Variants in SHC4 observed in about 807,000 individuals in gnomAD.
SHC4 encodes SHC-transforming protein 4.
Under a neutral mutation model 69.4 loss-of-function variants are expected in SHC4, and 41 were observed. The ratio of observed to expected loss-of-function variants is 0.59; its 90% CI spans 0.46 to 0.77. The LOEUF is 0.77. Ranked by LOEUF, SHC4 falls within the 30% of genes least tolerant of loss-of-function variation. The pLI is 0.00. For synonymous variants in SHC4, 318 were observed against 299.3 expected (o/e 1.06, Z -0.64); for missense variants, 777 against 783.8 (o/e 0.99, Z 0.10).
At chr15:48,949,664 T>TCGTCAAGGTTGG (rs1901333567) in intron 1 of SHC4, among the ~76,000 whole-genome samples, 1 of 151,874 alleles carries the variant, frequency 6.6e-6, no homozygotes, top group African/African-American at 2.4e-5. Flanking sequence ...CCCACCATTC[T>TCGTCAAGGTTGG]TTTCCAGCAG....
rs532997831 is a variant in SHC4, at chr15:48,909,903, C to A, written c.656+14976G>T. On this transcript the variant is annotated intron_variant, in intron 2 of 11. Transcript: ENST00000332408. ...ACTATCCCGCATCCCTGGTATGAAA[C>A]CCACTTGATCATGGTGGATTATCTT... Among the ~76,000 whole-genome samples, 10 of 152,252 alleles carry A rather than the reference C, an allele frequency of 6.6e-5. No individual in the cohort carries two copies. The South Asian group carries it at 2.1e-3, about 32-fold the overall frequency.
intron 2 of SHC4, 43 bp downstream of exon 2, chr15:48,924,836 T>C (rs1900819213): frequency 6.3e-7 from 1 of 1,594,790 alleles, no homozygotes; most frequent in African/African-American, 1.3e-5. Flanking sequence ...ATTGTGACTT[T>C]AAACCATACT....
At chr15:48,846,010 T>C (rs1454551933) in intron 9 of SHC4, among the ~76,000 whole-genome samples, 10 of 152,140 alleles carry the variant, frequency 6.6e-5, no homozygotes, top group Admixed American at 6.5e-4. Context: ...TCAGTTTTTT[T>C]TTTTTTAAGT....
intron 2 of SHC4, among the ~76,000 whole-genome samples, chr15:48,919,309 T>TTTTTTTTTC (rs1900695693): frequency 7.6e-6 from 1 of 131,400 alleles, no homozygotes; most frequent in Non-Finnish European, 1.7e-5. Flanking sequence ...TTTTTTTTTT[T>TTTTTTTTTC]TTTTTTGTAG....
At position 48,888,553 on chromosome 15, in the gene SHC4, A is replaced by G. The variant is rs976324363; in HGVS notation, c.720+2195T>C. ...AAAGATGGATGATGGCGATGGCTGC[A>G]CAAAAATATGAATGTACTTAATACC... is the stretch of plus-strand genomic sequence containing the variant. On this transcript the variant is annotated intron_variant, in intron 3 of 11. Transcript: ENST00000332408. Among the ~76,000 whole-genome samples, 19 of 152,308 alleles carry G rather than the reference A, an allele frequency of 1.2e-4. No individual in the cohort carries two copies. The East Asian group carries it at 3.3e-3, about 26-fold the overall frequency.
intron 4 of SHC4, chr15:48,877,340 G>A (rs976197141): frequency 1.6e-5 from 11 of 696,482 alleles, no homozygotes; most frequent in Non-Finnish European, 3.5e-6. Context: ...TAACTATAAT[G>A]TAATAATAAT....
At chr15:48,855,530 T>C (rs1051893997) in intron 8 of SHC4, among the ~76,000 whole-genome samples, 2 of 151,884 alleles carry the variant, frequency 1.3e-5, no homozygotes, top group African/African-American at 2.4e-5. Context: ...AAGGAACCAA[T>C]AGAGAAAGAG....
At chr15:48,848,525 A>T (rs148701521) in intron 9 of SHC4, among the ~76,000 whole-genome samples, 1 of 152,346 alleles carries the variant, frequency 6.6e-6, no homozygotes, top group Non-Finnish European at 1.5e-5. Context: ...AGTAGAATAT[A>T]GTATACTTGT....
rs189556879 is a variant in SHC4 at position 48,909,422 on chromosome 15, T to C, written c.656+15457A>G. On this transcript the variant is annotated intron_variant, in intron 2 of 11. Coordinates refer to ENST00000332408, the MANE Select transcript of SHC4 (RefSeq NM_203349.4). Reference sequence around the variant, plus strand: ...TGTATCCAGAAACTTTGCTGAATTCTTTAATCAGTTCTAGGAGCTTTCTGG... The same window carrying C: ...TGTATCCAGAAACTTTGCTGAATTCCTTAATCAGTTCTAGGAGCTTTCTGG... Among the ~76,000 whole-genome samples, 1,400 of 152,266 alleles carry C rather than the reference T, an allele frequency of 9.2e-3. 57 individuals are homozygous for C. Among genetic ancestry groups the C allele is most frequent in the Admixed American group, 0.077 (1,170 of 15,274 alleles).
intron 1 of SHC4, among the ~76,000 whole-genome samples, chr15:48,927,731 T>C (rs969969832): frequency 1.3e-5 from 2 of 152,132 alleles, no homozygotes; most frequent in Non-Finnish European, 2.9e-5. Context: ...CACTTGACAT[T>C]CTGTCCGCCT....
intron 2 of SHC4, among the ~76,000 whole-genome samples, chr15:48,920,030 T>TC (rs1900718079): frequency 6.6e-6 from 1 of 150,636 alleles, no homozygotes; most frequent in Non-Finnish European, 1.5e-5. Flanking sequence ...TTTTTTTTTT[T>TC]CTGAGACGGA....
At chr15:48,834,694 A>G in intron 11 of SHC4, 75 bp downstream of exon 11, 1 of 1,567,434 alleles carries the variant, frequency 6.4e-7, no homozygotes, top group East Asian at 2.2e-5. Flanking sequence ...ATTCAATACC[A>G]GGTTTTGGAA....
chr15:48,942,758 GT>G (rs1168591613), intron 1 of SHC4, among the ~76,000 whole-genome samples: 1 of 152,184 alleles, frequency 6.6e-6, no homozygotes, highest in Admixed American at 6.5e-5. Flanking sequence ...GGAGAGGTCA[GT>G]TGGTTATAGC....
rs145316712 is a variant in SHC4 at position 48,867,422 on chromosome 15, GACACACAGACAC to G, written c.946+384_946+395del. ...CAGGCTCTTGAACAGCAAGTACACAGACACACAGACACACACACAGACACACACACACACCAA... is the reference window on the plus strand; with the variant it reads ...CAGGCTCTTGAACAGCAAGTACACAGACACACAGACACACACACACACCAA... On this transcript the variant is annotated intron_variant, in intron 6 of 11. Transcript: ENST00000332408. Among the ~76,000 whole-genome samples the G allele has an allele frequency of 0.01, 1,585 of 152,044 alleles. 58 individuals are homozygous for G. The East Asian group carries it at 0.13, about 13-fold the overall frequency.
chr15:48,873,343 T>C (rs1899726143), intron 4 of SHC4, among the ~76,000 whole-genome samples: 1 of 152,248 alleles, frequency 6.6e-6, no homozygotes, highest in South Asian at 2.1e-4. Flanking sequence ...GTTATACAAC[T>C]GTTCATTTTG....
At chr15:48,877,497 A>T in intron 4 of SHC4, 1 of 984,758 alleles carries the variant, frequency 1.0e-6, no homozygotes, top group Non-Finnish European at 1.2e-6. Context: ...AAAACACACA[A>T]AATAGTATTT....
chr15:48,849,303 C>T (rs955815778), intron 9 of SHC4, among the ~76,000 whole-genome samples: 2 of 152,094 alleles, frequency 1.3e-5, no homozygotes, highest in Non-Finnish European at 2.9e-5. Context: ...CTGGATAATT[C>T]CCACTCATCC....
At chr15:48,845,884 T>C (rs1899081567) in intron 9 of SHC4, among the ~76,000 whole-genome samples, 1 of 152,224 alleles carries the variant, frequency 6.6e-6, no homozygotes, top group Non-Finnish European at 1.5e-5. Context: ...TATTAATATA[T>C]TAGCACATGT....
intron 8 of SHC4, among the ~76,000 whole-genome samples, chr15:48,852,497 T>A (rs1899233730): frequency 6.6e-6 from 1 of 152,090 alleles, no homozygotes; most frequent in African/African-American, 2.4e-5. Flanking sequence ...AAAATACTCA[T>A]AATAAAATGT....
Sources: allele counts gnomAD v4.1 joint callset (sites outside exome capture counted in the v4.1 genomes callset), GRCh38; gene constraint gnomAD v4.1.1; transcripts MANE v1.5; gene names NCBI Gene and HGNC (gene_info 2026-07-23, HGNC 2026-07-21).